THSD7B: variants seen among roughly 807,000 people sequenced by gnomAD.
The protein encoded by THSD7B is thrombospondin type-1 domain-containing protein 7B.
Under a neutral mutation model 213.6 loss-of-function variants are expected in THSD7B, and 138 were observed. The observed-to-expected ratio is 0.65, with a 90% CI of 0.56 to 0.74. THSD7B has a LOEUF of 0.74. THSD7B is among the 30% of genes least tolerant of loss of function. The pLI, the probability that THSD7B is intolerant of heterozygous loss-of-function variation, is 0.00. For missense variants in THSD7B, 1,931 were observed against 1,991.5 expected (o/e 0.97, Z 0.58); for synonymous variants, 742 against 687.0 (o/e 1.08, Z -1.25).
At chr2:136,995,343 G>C (rs1336704862) in intron 2 of THSD7B, among the ~76,000 whole-genome samples, 2 of 149,906 alleles carry the variant, frequency 1.3e-5, no homozygotes, top group Non-Finnish European at 1.5e-5. Flanking sequence ...GGATCACAGA[G>C]ACTCATGGAC....
At chr2:136,876,978 C>G (rs911016417) in intron 1 of THSD7B, among the ~76,000 whole-genome samples, 2 of 152,150 alleles carry the variant, frequency 1.3e-5, no homozygotes, top group East Asian at 3.9e-4. Context: ...ACTGTCTCCT[C>G]TTCTGGAGAG....
chr2:137,655,766 A>G, intron 22 of THSD7B, 106 bp downstream of exon 22: 2 of 1,297,510 alleles, frequency 1.5e-6, no homozygotes, highest in Non-Finnish European at 1.0e-6. Context: ...AAGTTTTTAA[A>G]TAACTTTAAT....
At chr2:136,983,350 G>GACACACACACACACACACACACACAC (rs1440218135) in intron 2 of THSD7B, among the ~76,000 whole-genome samples, 14 of 53,072 alleles carry the variant, frequency 2.6e-4, no homozygotes, top group Admixed American at 1.6e-3. Context: ...CACACACACA[G>GACACACACACACACACACACACACAC]ACACACAGAC....
chr2:136,826,829 G>GT (rs1682652894), intron 1 of THSD7B, among the ~76,000 whole-genome samples: 1 of 152,194 alleles, frequency 6.6e-6, no homozygotes, highest in Non-Finnish European at 1.5e-5. Context: ...CCATCTCTAT[G>GT]TGACCAGTGA....
At chr2:137,059,449 A>G (rs1373491536) in intron 3 of THSD7B, among the ~76,000 whole-genome samples, 1 of 152,156 alleles carries the variant, frequency 6.6e-6, no homozygotes, top group Non-Finnish European at 1.5e-5. Flanking sequence ...TGACAAATGA[A>G]TAATGACATG....
chr2:137,243,774 G>A (rs1018592846), intron 10 of THSD7B, among the ~76,000 whole-genome samples: 1 of 152,180 alleles, frequency 6.6e-6, no homozygotes, highest in African/African-American at 2.4e-5. Context: ...TCTTTGTATT[G>A]CAATGGTGGA....
intron 10 of THSD7B, among the ~76,000 whole-genome samples, chr2:137,266,278 G>C (rs1278445140): frequency 6.6e-6 from 1 of 152,180 alleles, no homozygotes; most frequent in Non-Finnish European, 1.5e-5. Context: ...TTACAACTTA[G>C]GAAGTTGAAG....
chr2:136,875,729 C>A (rs1488905747), intron 1 of THSD7B, among the ~76,000 whole-genome samples: 2 of 152,118 alleles, frequency 1.3e-5, no homozygotes, highest in Non-Finnish European at 2.9e-5. Context: ...GGAGTTAGGT[C>A]ACTTTGCAGA....
At chr2:137,486,348 A>C (rs1221748484) in intron 15 of THSD7B, among the ~76,000 whole-genome samples, 2 of 148,426 alleles carry the variant, frequency 1.3e-5, no homozygotes, top group South Asian at 2.2e-4. Context: ...TTGCAATCCT[A>C]GTCTCTGATA....
chr2:137,008,107 CA>C (rs201865085), intron 2 of THSD7B, among the ~76,000 whole-genome samples: 1,837 of 151,556 alleles, frequency 0.012, 25 homozygotes, highest in African/African-American at 0.042. Flanking sequence ...GTTGTATAAT[CA>C]AAAAAAAGAC....
rs191406556 is a variant in THSD7B at position 137,284,037 on chromosome 2, T to C, written c.2500+8011T>C. Among the ~76,000 whole-genome samples, 1,007 of 152,244 alleles carry C rather than the reference T, an allele frequency of 6.6e-3. 13 individuals carry two copies. The highest frequency in any genetic ancestry group is 0.024 in the African/African-American group (980 of 41,574). ...GTGAATCCATCTGGTCCTGGACTTT[T>C]TGTGGTTGGTAAGCTATTAATTATT... On this transcript the variant is annotated intron_variant, in intron 12 of 27. Coordinates refer to ENST00000409968, the MANE Select transcript of THSD7B (RefSeq NM_001316349.2).
At chr2:137,578,616 G>A (rs1369117481) in intron 17 of THSD7B, among the ~76,000 whole-genome samples, 2 of 152,120 alleles carry the variant, frequency 1.3e-5, no homozygotes, top group Non-Finnish European at 2.9e-5. Context: ...TAACATTACT[G>A]CCTGCTAAAA....
chr2:136,888,377 CTTAA>C (rs1683755611), intron 2 of THSD7B, among the ~76,000 whole-genome samples: 1 of 151,976 alleles, frequency 6.6e-6, no homozygotes, highest in Non-Finnish European at 1.5e-5. Flanking sequence ...TTAGTTATAG[CTTAA>C]ATAATAGTGT....
In THSD7B at chr2:137,623,135, C is replaced by A. The variant is rs1682554347; in HGVS notation, c.3799+2409C>A. Reference sequence around the variant, plus strand: ...CATCAAAAAGCTTACCTACCACGATCAAGTGGACTTCATCCCTGGGATGCA... The same window carrying A: ...CATCAAAAAGCTTACCTACCACGATAAAGTGGACTTCATCCCTGGGATGCA... On this transcript the variant is annotated intron_variant, in intron 20 of 27. Coordinates refer to ENST00000409968, the MANE Select transcript of THSD7B (RefSeq NM_001316349.2). 2.0e-5 allele frequency among the ~76,000 whole-genome samples: 3 copies of A among 152,330 alleles called. 1 individual carries two copies. The South Asian group carries it at 6.2e-4, about 32-fold the overall frequency.
At chr2:137,574,619 G>A (rs963936014) in intron 17 of THSD7B, among the ~76,000 whole-genome samples, 25 of 152,172 alleles carry the variant, frequency 1.6e-4, no homozygotes, top group Admixed American at 5.2e-4. Flanking sequence ...GACCACAATG[G>A]CCTTGTCCTT....
At chr2:137,500,179 A>C (rs1053248312) in intron 15 of THSD7B, among the ~76,000 whole-genome samples, 2 of 152,128 alleles carry the variant, frequency 1.3e-5, no homozygotes, top group African/African-American at 4.8e-5. Flanking sequence ...TAAAATACCC[A>C]CTTTGATATA....
Position 137,541,453 on chromosome 2 carries a change from G to A in THSD7B, c.3139-21768G>A, listed in dbSNP as rs1558832624. On this transcript the variant is annotated intron_variant, in intron 15 of 27. Coordinates refer to ENST00000409968, the MANE Select transcript of THSD7B (RefSeq NM_001316349.2). Reference sequence around the variant, plus strand: ...GACAAATAATGGTAAATATTCATGGGGTACATAGTGATGTTTTGATACATG... The same window carrying A: ...GACAAATAATGGTAAATATTCATGGAGTACATAGTGATGTTTTGATACATG... 1.3e-5 allele frequency among the ~76,000 whole-genome samples: 2 copies of A among 151,356 alleles called. 1 individual carries two copies. The highest frequency in any genetic ancestry group is 4.2e-4 in the South Asian group (2 of 4,788).
At chr2:137,134,548 G>T (rs866254712) in intron 5 of THSD7B, among the ~76,000 whole-genome samples, 3 of 152,126 alleles carry the variant, frequency 2.0e-5, no homozygotes, top group Non-Finnish European at 2.9e-5. Context: ...CTCTAGGGGT[G>T]GGGGGCACTG....
Position 137,220,964 on chromosome 2 carries a change from T to A in THSD7B, c.1724-10080T>A, listed in dbSNP as rs533198771. On this transcript the variant is annotated intron_variant, in intron 7 of 27. Transcript: ENST00000409968. ...GCATCATTTTTTATATATATGACATTCTGGGGGAGGAGGGAAGCAAAACTA... is the reference window on the plus strand; with the variant it reads ...GCATCATTTTTTATATATATGACATACTGGGGGAGGAGGGAAGCAAAACTA... Among the ~76,000 whole-genome samples, 20 of 152,194 alleles carry A rather than the reference T, an allele frequency of 1.3e-4. No individual in the cohort carries two copies. In the East Asian group the frequency reaches 3.5e-3, roughly 26 times the overall value.
Sources: allele counts gnomAD v4.1 joint callset (sites outside exome capture counted in the v4.1 genomes callset), GRCh38; gene constraint gnomAD v4.1.1; transcripts MANE v1.5; gene names NCBI Gene and HGNC (gene_info 2026-07-23, HGNC 2026-07-21).